The following ZMIZ1 variants were observed in gnomAD, a reference collection of about 807,000 sequenced individuals.
The protein encoded by ZMIZ1 is zinc finger MIZ-type containing 1.
Under a neutral mutation model 113.9 loss-of-function variants are expected in ZMIZ1, and 17 were observed. The ratio of observed to expected loss-of-function variants is 0.15; its 90% confidence interval spans 0.10 to 0.22. The LOEUF is 0.22. Among genes scored for constraint, ZMIZ1 ranks in the 10% least tolerant of loss-of-function variants. The pLI is 1.00. For synonymous variants in ZMIZ1, 607 were observed against 603.1 expected, an observed-to-expected ratio of 1.01 and a Z score of -0.09; for missense variants, 1,059 against 1,477.8, an observed-to-expected ratio of 0.72 and a Z score of 4.65.
intron 23 of ZMIZ1, 44 bp downstream of exon 23, chr10:79,307,615 G>A (rs762557111): frequency 2.5e-6 from 4 of 1,588,678 alleles, no homozygotes; most frequent in Admixed American, 3.7e-5. Context: ...CAGCCTTTGG[G>A]GTTGATGCCT....
intron 8 of ZMIZ1, among the ~76,000 whole-genome samples, chr10:79,279,087 G>T (rs1175062195): frequency 1.3e-5 from 2 of 150,380 alleles, no homozygotes; most frequent in African/African-American, 2.5e-5. Context: ...CCAGGACGGG[G>T]CAGCTGGCCG....
At chr10:79,219,485 G>T (rs1347307226) in intron 7 of ZMIZ1, among the ~76,000 whole-genome samples, 1 of 152,194 alleles carries the variant, frequency 6.6e-6, no homozygotes, top group Non-Finnish European at 1.5e-5. Flanking sequence ...CTGGCTGCAG[G>T]CCCAGGGCTC....
At chr10:79,079,053 C>T (rs542040140) in intron 1 of ZMIZ1, among the ~76,000 whole-genome samples, 36 of 152,364 alleles carry the variant, frequency 2.4e-4, no homozygotes, top group African/African-American at 7.9e-4. Context: ...TTCCCCTCAG[C>T]CTGCTTTCTT....
chr10:79,195,407 C>T (rs1481183984), intron 4 of ZMIZ1, among the ~76,000 whole-genome samples: 1 of 152,212 alleles, frequency 6.6e-6, no homozygotes, highest in African/African-American at 2.4e-5. Context: ...CTTGGTCTCA[C>T]CCCCCATTCA....
intron 3 of ZMIZ1, among the ~76,000 whole-genome samples, chr10:79,160,135 C>G (rs1170737860): frequency 6.6e-6 from 1 of 152,264 alleles, no homozygotes; most frequent in Non-Finnish European, 1.5e-5. Context: ...GCCCCAGTCA[C>G]TGACTCACTG....
At chr10:79,268,802 G>A (rs2131937461) in intron 7 of ZMIZ1, among the ~76,000 whole-genome samples, 1 of 152,332 alleles carries the variant, frequency 6.6e-6, no homozygotes, top group African/African-American at 2.4e-5. Context: ...GGTGGAAGAA[G>A]TCCTCTGACC....
In ZMIZ1 at chr10:79,312,902, G is replaced by T; in HGVS notation, c.*153G>T. ...GCCCTCCCCCGCTGCAGCCCTCTCA[G>T]AACAGAGGGGTAGGGAGGGTGCACC... On this transcript the variant is annotated 3_prime_UTR_variant, in exon 25 of 25. Coordinates refer to ENST00000334512, the MANE Select transcript of ZMIZ1 (RefSeq NM_020338.4). 4.5e-6 allele frequency: 3 copies of T among 665,426 alleles called. No individual in the cohort carries two copies. Among genetic ancestry groups the T allele is most frequent in the Non-Finnish European group, 7.7e-6 (3 of 392,014 alleles). 41.2% of individuals were successfully genotyped at this position (665,426 alleles called of 1,614,324 possible).
At chr10:79,242,621 G>C (rs1351423366) in intron 7 of ZMIZ1, among the ~76,000 whole-genome samples, 1 of 149,168 alleles carries the variant, frequency 6.7e-6, no homozygotes, top group Non-Finnish European at 1.5e-5. Context: ...CCCCGCCGTG[G>C]ACCCTCATTA....
intron 3 of ZMIZ1, among the ~76,000 whole-genome samples, chr10:79,155,322 C>G (rs1845867003): frequency 1.3e-5 from 2 of 152,232 alleles, no homozygotes; most frequent in African/African-American, 4.8e-5. Flanking sequence ...AGCTTTCCCC[C>G]TCCCTTTCCC....
intron 4 of ZMIZ1, among the ~76,000 whole-genome samples, chr10:79,174,636 C>T (rs562265084): frequency 6.6e-6 from 1 of 152,338 alleles, no homozygotes; most frequent in African/African-American, 2.4e-5. Context: ...CTGAGATGTC[C>T]TTTTGCAAGT....
At chr10:79,196,200 G>A (rs577580407) in intron 4 of ZMIZ1, among the ~76,000 whole-genome samples, 7 of 152,100 alleles carry the variant, frequency 4.6e-5, no homozygotes, top group African/African-American at 9.7e-5. Context: ...TCCATAATCC[G>A]CTAGCCATTT....
intron 4 of ZMIZ1, among the ~76,000 whole-genome samples, chr10:79,181,204 C>T (rs992825804): frequency 6.6e-6 from 1 of 152,150 alleles, no homozygotes; most frequent in African/African-American, 2.4e-5. Flanking sequence ...CCTGATGGCC[C>T]TTCCCAGTGG....
rs1842172125 is a variant in ZMIZ1, at chr10:79,069,440, CGGCCGGG to C, written c.-337+176_-337+182del. 4.6e-5 allele frequency among the ~76,000 whole-genome samples: 7 copies of C among 151,140 alleles called. No individual in the cohort carries two copies. The East Asian group carries it at 1.2e-3, about 25-fold the overall frequency. On this transcript the variant is annotated intron_variant, in intron 1 of 24. Transcript: ENST00000334512. The surrounding 1 kb of genome is among the most constrained non-coding windows in gnomAD (Gnocchi z 4.6). ...GCGGGCTCCGCTCCGCTCTCCTTGG[CGGCCGGG>C]GGCCGAGGCCCGGCGGCCGGCGAGC...
chr10:79,157,514 G>A (rs1006208360), intron 3 of ZMIZ1, among the ~76,000 whole-genome samples: 1 of 152,032 alleles, frequency 6.6e-6, no homozygotes, highest in Non-Finnish European at 1.5e-5. Context: ...GTTGTCCATG[G>A]GGAGGTCCTT....
At chr10:79,132,715 A>G (rs1844823231) in intron 2 of ZMIZ1, among the ~76,000 whole-genome samples, 1 of 152,206 alleles carries the variant, frequency 6.6e-6, no homozygotes, top group African/African-American at 2.4e-5. Context: ...GGAGAAGGCG[A>G]TGAGGCCCCA....
At chr10:79,115,315 C>T (rs565061088) in intron 1 of ZMIZ1, among the ~76,000 whole-genome samples, 10 of 152,320 alleles carry the variant, frequency 6.6e-5, no homozygotes, top group African/African-American at 2.4e-4. Flanking sequence ...ACCGTGTTTC[C>T]TGGGATCTGA....
rs200162208 is a variant in ZMIZ1, at chr10:79,307,485, G to C, written c.2749G>C (p.Gly917Arg). 48 of 1,608,704 alleles carry C rather than the reference G, an allele frequency of 3.0e-5. No individual in the cohort carries two copies. The highest frequency in any genetic ancestry group is 4.1e-5 in the Non-Finnish European group (48 of 1,176,770). Reference sequence around the variant, plus strand: ...GACATCCATGAATGACTTCATGCACGGGCCCCCCCAGCTCTCCCACCCCCC... The same window carrying C: ...GACATCCATGAATGACTTCATGCACCGGCCCCCCCAGCTCTCCCACCCCCC... Reference protein sequence around the residue: ...GGTSMNDFMHGPPQLSHPPDM... With the variant: ...GGTSMNDFMHRPPQLSHPPDM... Residue 917 changes from glycine (G) to arginine (R), a missense_variant, in exon 23 of 25, where the codon GGG becomes CGG. This residue lies in a region of ZMIZ1 where 225 missense variants were observed against 276.0 expected (regional missense o/e 0.82). Coordinates refer to ENST00000334512, the MANE Select transcript of ZMIZ1 (RefSeq NM_020338.4).
intron 1 of ZMIZ1, among the ~76,000 whole-genome samples, chr10:79,103,710 G>T (rs892526924): frequency 6.6e-6 from 1 of 152,130 alleles, no homozygotes; most frequent in Non-Finnish European, 1.5e-5. Context: ...AGGCTGGCAA[G>T]CCCTCCTCCC....
At chr10:79,293,899 A>T in intron 12 of ZMIZ1, 1 of 613,720 alleles carries the variant, frequency 1.6e-6, no homozygotes, top group Non-Finnish European at 2.9e-6. Flanking sequence ...GGTGTCCGTG[A>T]AGTGCTTGGC....
Sources: allele counts gnomAD v4.1 joint callset (sites outside exome capture counted in the v4.1 genomes callset), GRCh38; gene constraint gnomAD v4.1.1; regional missense constraint gnomAD v4.1.1; non-coding constraint Gnocchi (gnomAD v3.1); transcripts MANE v1.5; gene names NCBI Gene and HGNC (gene_info 2026-07-23, HGNC 2026-07-21).